Variants in AQR observed in about 807,000 individuals in gnomAD.
AQR encodes aquarius intron-binding spliceosomal factor.
In AQR, 61 loss-of-function variants were observed where a neutral mutation model predicts 180.5. That is an observed-to-expected ratio of 0.34 (90% confidence interval 0.28 to 0.42). The LOEUF is 0.42. Ranked by LOEUF, AQR falls within the 10% of genes least tolerant of loss-of-function variation. AQR has a pLI of 1.00. For missense variants in AQR, 1,281 were observed against 1,798.3 expected (o/e 0.71, Z 5.20); for synonymous variants, 551 against 588.8 (o/e 0.94, Z 0.93).
intron 6 of AQR, among the ~76,000 whole-genome samples, chr15:34,942,463 G>A (rs1349193215): frequency 1.3e-5 from 2 of 152,038 alleles, no homozygotes; most frequent in African/African-American, 4.8e-5. Flanking sequence ...TCCTTTTTGT[G>A]GTCTATTGAG....
intron 13 of AQR, among the ~76,000 whole-genome samples, chr15:34,922,446 T>A (rs1055319693): frequency 3.3e-4 from 50 of 152,166 alleles, no homozygotes; most frequent in African/African-American, 1.2e-3. Flanking sequence ...GAAACTCAAA[T>A]TTTTCCAAAG....
At chr15:34,879,027 CA>C (rs746355296) in intron 27 of AQR, among the ~76,000 whole-genome samples, 6,015 of 126,450 alleles carry the variant, frequency 0.048, 230 homozygotes, top group African/African-American at 0.12. Context: ...GGCTCTGTCT[CA>C]AAAAAAAAAA....
chr15:34,883,731 C>T (rs957157426), intron 26 of AQR, among the ~76,000 whole-genome samples: 6 of 152,124 alleles, frequency 3.9e-5, no homozygotes, highest in Admixed American at 2.6e-4. Context: ...TTTATAGGAC[C>T]GCTGTAATTT....
intron 27 of AQR, among the ~76,000 whole-genome samples, chr15:34,881,218 A>G (rs1892968332): frequency 6.6e-6 from 1 of 152,226 alleles, no homozygotes. Flanking sequence ...TCTCACTAAT[A>G]ATTTGCAAAA....
At chr15:34,929,033 A>G (rs528319261) in intron 12 of AQR, among the ~76,000 whole-genome samples, 12 of 152,100 alleles carry the variant, frequency 7.9e-5, no homozygotes, top group African/African-American at 2.9e-4. Flanking sequence ...CCACTTTTTG[A>G]TGGGGTTGTT....
At chr15:34,938,708 A>T in intron 9 of AQR, 29 bp downstream of exon 9, 1 of 1,362,672 alleles carries the variant, frequency 7.3e-7, no homozygotes, top group Non-Finnish European at 1.0e-6. Flanking sequence ...TGATAATTTC[A>T]CAAATGCACT....
chr15:34,938,119 T>C lies in AQR; in HGVS notation c.718+618A>G, dbSNP rs1317771973. 1.3e-5 allele frequency among the ~76,000 whole-genome samples: 2 copies of C among 152,034 alleles called. 1 individual carries two copies. The highest frequency in any genetic ancestry group is 1.3e-4 in the Admixed American group (2 of 15,260). ...TATTATAAATAACATGCAAATATGG[T>C]CTGTAATTTTCCTCTTCACAACTGT... On this transcript the variant is annotated intron_variant, in intron 9 of 34. Transcript: ENST00000156471.
rs1892598102 is a variant in AQR at position 34,857,123 on chromosome 15, A to C, written c.4144-17T>G. The C allele has an allele frequency of 2.6e-6, 4 of 1,533,042 alleles. No homozygotes were observed. The highest frequency in any genetic ancestry group is 1.4e-5 in the African/African-American group (1 of 71,744). 95.0% of individuals were successfully genotyped at this position (1,533,042 alleles called of 1,614,324 possible). Reference sequence around the variant, plus strand: ...TAATAAAGTCTAATTAAAAAAAAAAAAACAAAGACAATACCAATATGAAAA... The same window carrying C: ...TAATAAAGTCTAATTAAAAAAAAAACAACAAAGACAATACCAATATGAAAA... On this transcript the variant is annotated splice_polypyrimidine_tract_variant and intron_variant, in intron 34 of 34. Coordinates refer to ENST00000156471, the MANE Select transcript of AQR (RefSeq NM_014691.3).
chr15:34,959,775 C>T (rs2050263461), intron 3 of AQR, among the ~76,000 whole-genome samples: 1 of 152,176 alleles, frequency 6.6e-6, no homozygotes, highest in African/African-American at 2.4e-5. Context: ...CCACACAAGC[C>T]AAATCTATGA....
intron 9 of AQR, among the ~76,000 whole-genome samples, chr15:34,936,275 A>G (rs1893942946): frequency 6.6e-6 from 1 of 152,226 alleles, no homozygotes; most frequent in South Asian, 2.1e-4. Flanking sequence ...AATCCTTCTC[A>G]AAATATTTAA....
At chr15:34,962,003 AT>A (rs2050282250) in intron 2 of AQR, among the ~76,000 whole-genome samples, 1 of 151,504 alleles carries the variant, frequency 6.6e-6, no homozygotes, top group South Asian at 2.1e-4. Flanking sequence ...CTATAATATT[AT>A]TGTATGGTAA....
chr15:34,925,413 G>C (rs1311273107), intron 13 of AQR, among the ~76,000 whole-genome samples: 3 of 152,208 alleles, frequency 2.0e-5, no homozygotes, highest in Non-Finnish European at 4.4e-5. Flanking sequence ...CTTTTCTGAA[G>C]GAAATTTAGC....
chr15:34,944,383 T>G lies in AQR; in HGVS notation c.376A>C (p.Ile126Leu). The change falls in exon 6 of 35, where the codon ATC becomes CTC. Residue 126 changes from isoleucine to leucine, a missense_variant. Transcript: ENST00000156471. ...PDHFPFFFKH[I>L]LKAALAETDG... ...GTTTCAGCTAATGCCGCCTTCAAGATGTGTTTAAAAAAGAATGGGAAGTGG... is the reference window on the plus strand; with the variant it reads ...GTTTCAGCTAATGCCGCCTTCAAGAGGTGTTTAAAAAAGAATGGGAAGTGG... 1 of 1,609,384 alleles carries G rather than the reference T, an allele frequency of 6.2e-7. No homozygotes were observed. Among genetic ancestry groups the G allele is most frequent in the South Asian group, 1.1e-5 (1 of 90,102 alleles).
At chr15:34,894,055 GAA>G (rs764836111) in intron 22 of AQR, among the ~76,000 whole-genome samples, 6 of 151,934 alleles carry the variant, frequency 3.9e-5, no homozygotes, top group Admixed American at 2.6e-4. Context: ...AGACAGAAAG[GAA>G]AAAGAGTATG....
Position 34,853,887 on chromosome 15 carries a change from G to C in AQR, c.*2905C>G, listed in dbSNP as rs1892549338. 6.6e-6 allele frequency: 1 copy of C among 152,060 alleles called. No homozygotes were observed. The highest frequency in any genetic ancestry group is 1.5e-5 in the Non-Finnish European group (1 of 68,020). 9.4% of individuals were successfully genotyped at this position (152,060 alleles called of 1,614,324 possible). A position where few individuals can be genotyped will look rare whatever the true frequency, so the allele number is the denominator to read the frequency against. On this transcript the variant is annotated 3_prime_UTR_variant, in exon 35 of 35. Coordinates refer to ENST00000156471, the MANE Select transcript of AQR (RefSeq NM_014691.3). The stretch of plus-strand genomic sequence containing the variant: ...TAACCAAATGCTGATAAGCAAATTA[G>C]GTACAACTCTGAGCCAGGTCTCGAT...
intron 1 of AQR, among the ~76,000 whole-genome samples, chr15:34,965,020 CAT>C (rs1342572388): frequency 6.6e-6 from 1 of 152,146 alleles, no homozygotes; most frequent in Non-Finnish European, 1.5e-5. Flanking sequence ...CAGTGTCTGG[CAT>C]ATCAGAGGCA....
chr15:34,959,191 C>T lies in AQR; in HGVS notation c.173+1583G>A, dbSNP rs1894379288. On this transcript the variant is annotated intron_variant, in intron 3 of 34. Transcript: ENST00000156471. ...TTTGTTGTTTGTTTTGAGACAGGGT[C>T]TCACTCTGTTGCCCAGGCTAGAGTG... 3.9e-5 allele frequency among the ~76,000 whole-genome samples: 6 copies of T among 152,266 alleles called. No homozygotes were observed. In the South Asian group the frequency reaches 1.2e-3, roughly 32 times the overall value.
At chr15:34,890,174 A>G (rs987034303) in intron 24 of AQR, 41 bp downstream of exon 24, 11 of 1,510,954 alleles carry the variant, frequency 7.3e-6, no homozygotes, top group African/African-American at 1.4e-5. Flanking sequence ...AAGAAAATAA[A>G]AAATCCTTTT....
chr15:34,900,329 T>A (rs1034224567), intron 20 of AQR, among the ~76,000 whole-genome samples: 1 of 152,222 alleles, frequency 6.6e-6, no homozygotes, highest in African/African-American at 2.4e-5. Context: ...TGCCAAGACA[T>A]ATTTTAGTCA....
Sources: gnomAD v4.1 joint callset for allele counts (sites outside exome capture counted in the v4.1 genomes callset) on GRCh38, gnomAD v4.1.1 for gene constraint, MANE v1.5 for transcripts, NCBI Gene and HGNC (gene_info 2026-07-23, HGNC 2026-07-21) for gene names.